Variants in LDB2 observed in about 807,000 individuals in gnomAD.
LDB2 encodes the protein LIM domain-binding protein 2.
LDB2 carries 12 observed loss-of-function variants against 44.3 expected under a neutral mutation model. The ratio of observed to expected loss-of-function variants is 0.27; its 90% CI spans 0.17 to 0.44. LDB2 has a LOEUF of 0.44. Among genes scored for constraint, LDB2 ranks in the 20% least tolerant of loss-of-function variants. The pLI, the probability that LDB2 is intolerant of heterozygous loss-of-function variation, is 1.00. For synonymous variants in LDB2, 164 were observed against 174.8 expected, an observed-to-expected ratio of 0.94 and a Z score of 0.49; for missense variants, 344 against 473.5, an observed-to-expected ratio of 0.73 and a Z score of 2.54.
Position 16,898,537 on chromosome 4 carries a change from C to G in LDB2, c.-52G>C, listed in dbSNP as rs751187871. ...AAACAGAGTATCAGTAACGTCCATG[C>G]AGAGCACATGGGCTGTGTTCTTCCC... On this transcript the variant is annotated 5_prime_UTR_variant, in exon 1 of 8. Coordinates refer to ENST00000304523, the MANE Select transcript of LDB2 (RefSeq NM_001290.5). The G allele has an allele frequency of 6.3e-7, 1 of 1,597,880 alleles. No individual in the cohort carries two copies. The highest frequency in any genetic ancestry group is 1.7e-5 in the Admixed American group (1 of 59,548).
chr4:16,505,333 T>TTG (rs113278435), intron 7 of LDB2, among the ~76,000 whole-genome samples: 1,540 of 151,640 alleles, frequency 0.01, 40 homozygotes, highest in East Asian at 0.1. Flanking sequence ...AGATACTTAG[T>TTG]TGTGTGTGTG....
intron 2 of LDB2, among the ~76,000 whole-genome samples, chr4:16,695,968 T>TCTGTGTCTC (rs1429171828): frequency 1.3e-5 from 2 of 152,176 alleles, no homozygotes; most frequent in African/African-American, 4.8e-5. Flanking sequence ...ATCTGTGTCT[T>TCTGTGTCTC]CTGTGTCTCA....
chr4:16,762,621 C>A (rs1428834545), intron 1 of LDB2, among the ~76,000 whole-genome samples: 1 of 152,072 alleles, frequency 6.6e-6, no homozygotes, highest in African/African-American at 2.4e-5. Flanking sequence ...GGGAAACCAC[C>A]CCCATGATTC....
At chr4:16,508,084 TTAAAA>T (rs1243018794) in intron 7 of LDB2, among the ~76,000 whole-genome samples, 1 of 147,144 alleles carries the variant, frequency 6.8e-6, no homozygotes, top group African/African-American at 2.5e-5. Flanking sequence ...TACCTGAGTC[TTAAAA>T]TAAGAGGGGA....
intron 1 of LDB2, among the ~76,000 whole-genome samples, chr4:16,789,684 C>T (rs1459889639): frequency 6.6e-6 from 1 of 152,226 alleles, no homozygotes; most frequent in Non-Finnish European, 1.5e-5. Context: ...AATCCCAGCA[C>T]TTTCGGAGGC....
chr4:16,549,290 A>T (rs1377912282), intron 5 of LDB2, among the ~76,000 whole-genome samples: 2 of 152,132 alleles, frequency 1.3e-5, no homozygotes, highest in East Asian at 3.9e-4. Context: ...CATATAGGAG[A>T]CAGTTAACAT....
chr4:16,537,273 T>G (rs1308709308), intron 5 of LDB2, among the ~76,000 whole-genome samples: 1 of 152,224 alleles, frequency 6.6e-6, no homozygotes, highest in African/African-American at 2.4e-5. Flanking sequence ...TAGTTTTTAC[T>G]AAGAAACCAA....
At chr4:16,612,882 G>A (rs1337666667) in intron 2 of LDB2, among the ~76,000 whole-genome samples, 1 of 152,000 alleles carries the variant, frequency 6.6e-6, no homozygotes, top group South Asian at 2.1e-4. Context: ...TACCCAAACC[G>A]GGAAGAGACA....
chr4:16,723,550 A>G (rs1302915841), intron 2 of LDB2, among the ~76,000 whole-genome samples: 1 of 152,168 alleles, frequency 6.6e-6, no homozygotes, highest in Admixed American at 6.6e-5. Flanking sequence ...ACATTGGGGA[A>G]TATATTTAAA....
intron 2 of LDB2, among the ~76,000 whole-genome samples, chr4:16,599,355 G>A (rs74632935): frequency 0.13 from 19,382 of 152,088 alleles, 1,530 homozygotes; most frequent in East Asian, 0.25. Flanking sequence ...ATAGTGGGAA[G>A]TTGGGGCCTG....
chr4:16,599,917 T>A (rs1371592714), intron 2 of LDB2, among the ~76,000 whole-genome samples: 1 of 152,194 alleles, frequency 6.6e-6, no homozygotes, highest in Admixed American at 6.5e-5. Flanking sequence ...CAAATTCATT[T>A]CTATCAGGAG....
In LDB2 at chr4:16,533,074, C is replaced by T. The variant is rs183047292; in HGVS notation, c.616-20970G>A. Among the ~76,000 whole-genome samples, 12 of 152,278 alleles carry T rather than the reference C, an allele frequency of 7.9e-5. No individual in the cohort carries two copies. ...TGCTTCAGTTTGCTTGGGACTGTCC[C>T]AGATTTTAAAACTAGAAGTTCCAGA... On this transcript the variant is annotated intron_variant, in intron 5 of 7. Transcript: ENST00000304523. This position sits in a 1 kb window ranked among gnomAD's most constrained non-coding sequence, Gnocchi z 4.1.
chr4:16,873,521 G>T (rs1463995288), intron 1 of LDB2, among the ~76,000 whole-genome samples: 1 of 151,804 alleles, frequency 6.6e-6, no homozygotes, highest in Non-Finnish European at 1.5e-5. Flanking sequence ...AATGTTCTTT[G>T]TCCTTAGGCT....
At chr4:16,864,456 C>A (rs1713914006) in intron 1 of LDB2, among the ~76,000 whole-genome samples, 1 of 152,040 alleles carries the variant, frequency 6.6e-6, no homozygotes, top group Admixed American at 6.5e-5. Context: ...TGCCTTGGTG[C>A]CAAACTAATA....
At position 16,517,465 on chromosome 4, in the gene LDB2, CTT is replaced by C. The variant is rs1724197240; in HGVS notation, c.616-5363_616-5362del. Among the ~76,000 whole-genome samples the C allele has an allele frequency of 2.0e-5, 3 of 152,214 alleles. No individual in the cohort carries two copies. In the South Asian group the frequency reaches 6.2e-4, roughly 31 times the overall value. ...GGACAGCTACAAAGTGCCCACTGGA[CTT>C]TTTCCCTTTGCCTAAAAAGAAAGGC... is the stretch of plus-strand genomic sequence containing the variant. On this transcript the variant is annotated intron_variant, in intron 5 of 7. Coordinates refer to ENST00000304523, the MANE Select transcript of LDB2 (RefSeq NM_001290.5).
At chr4:16,862,041 G>A (rs1370713879) in intron 1 of LDB2, among the ~76,000 whole-genome samples, 1 of 152,104 alleles carries the variant, frequency 6.6e-6, no homozygotes, top group Non-Finnish European at 1.5e-5. Flanking sequence ...TCCCATACAA[G>A]GTTGTGAGAA....
At chr4:16,660,297 T>C (rs1318660764) in intron 2 of LDB2, among the ~76,000 whole-genome samples, 1 of 152,184 alleles carries the variant, frequency 6.6e-6, no homozygotes, top group East Asian at 1.9e-4. Context: ...AACACAAAAC[T>C]CATATTTTGT....
At chr4:16,884,072 C>T (rs1002194044) in intron 1 of LDB2, among the ~76,000 whole-genome samples, 5 of 152,310 alleles carry the variant, frequency 3.3e-5, no homozygotes, top group Middle Eastern at 3.4e-3. Flanking sequence ...CACCAGTCCA[C>T]CCTCCACAAA....
intron 1 of LDB2, among the ~76,000 whole-genome samples, chr4:16,889,983 A>G (rs74676955): frequency 0.039 from 5,904 of 152,246 alleles, 146 homozygotes; most frequent in South Asian, 0.058. Flanking sequence ...CTAATTGATT[A>G]CCTGCAAATA....
Sources: allele counts gnomAD v4.1 joint callset (sites outside exome capture counted in the v4.1 genomes callset), GRCh38; gene constraint gnomAD v4.1.1; non-coding constraint Gnocchi (gnomAD v3.1); transcripts MANE v1.5; gene names NCBI Gene and HGNC (gene_info 2026-07-23, HGNC 2026-07-21).